Variants in HRH2 observed in about 807,000 individuals in gnomAD.
HRH2 encodes the protein histamine receptor H2, also known as histamine H2 receptor.
HRH2 carries 4 observed loss-of-function variants against 20.1 expected under a neutral mutation model. The ratio of observed to expected loss-of-function variants is 0.20; its 90% CI spans 0.10 to 0.45. HRH2 has a LOEUF of 0.45. HRH2 is among the 20% of genes least tolerant of loss of function. The pLI is 0.99. For missense variants in HRH2, 250 were observed against 461.6 expected (o/e 0.54, Z 4.20); for synonymous variants, 197 against 200.7 (o/e 0.98, Z 0.16).
At chr5:175,696,362 A>C (rs1050334996) in intron 2 of HRH2, among the ~76,000 whole-genome samples, 1 of 152,114 alleles carries the variant, frequency 6.6e-6, no homozygotes, top group Admixed American at 6.5e-5. Context: ...GCCCCCTCTG[A>C]GCTCCGCCTT....
rs369010860 is a variant in HRH2 at position 175,683,862 on chromosome 5, G to A, written c.629G>A (p.Arg210Gln). 5.6e-6 allele frequency: 9 copies of A among 1,614,120 alleles called. No homozygotes were observed. Among genetic ancestry groups the A allele is most frequent in the African/African-American group, 2.7e-5 (2 of 74,994 alleles). The change falls in exon 2 of 3, where the codon CGG (arginine) becomes CAG (glutamine). Residue 210 changes from arginine (R) to glutamine (Q), a missense_variant. This residue lies in a region of HRH2 where 58 missense variants were observed against 166.8 expected (regional missense o/e 0.35). Coordinates refer to ENST00000636584, the MANE Select transcript of HRH2 (RefSeq NM_001367711.1). ...TACTACCGCATCTTCAAGGTCGCCC[G>A]GGATCAGGCCAAGAGGATCAATCAC... ...ITYYRIFKVA[R>Q]DQAKRINHIS...
At chr5:175,676,372 A>C (rs544240827) in intron 1 of HRH2, among the ~76,000 whole-genome samples, 1 of 152,242 alleles carries the variant, frequency 6.6e-6, no homozygotes, top group Non-Finnish European at 1.5e-5. Context: ...CCTCAGAGCC[A>C]AAGCTCCAGT....
chr5:175,670,085 G>T (rs906037630), intron 1 of HRH2, among the ~76,000 whole-genome samples: 3 of 152,172 alleles, frequency 2.0e-5, no homozygotes, highest in African/African-American at 7.2e-5. Context: ...CCTGTGTCTG[G>T]TCAGGCTTCT....
chr5:175,692,545 G>A (rs1262829788), intron 2 of HRH2, among the ~76,000 whole-genome samples: 4 of 152,216 alleles, frequency 2.6e-5, no homozygotes, highest in Admixed American at 6.5e-5. Flanking sequence ...ATTTAGCACC[G>A]ATTTATGCAA....
At chr5:175,698,814 A>G (rs543206174) in intron 2 of HRH2, among the ~76,000 whole-genome samples, 44 of 152,350 alleles carry the variant, frequency 2.9e-4, no homozygotes, top group African/African-American at 1.0e-3. Context: ...GTTGATCTCA[A>G]GTAAGTCCCA....
chr5:175,670,569 A>T (rs923137593), intron 1 of HRH2, among the ~76,000 whole-genome samples: 3 of 152,218 alleles, frequency 2.0e-5, no homozygotes, highest in Non-Finnish European at 2.9e-5. Flanking sequence ...CACAGTGACC[A>T]CTAGGCTATT....
In HRH2 at chr5:175,681,738, G is replaced by A. The variant is rs940281286; in HGVS notation, c.-525-971G>A. 1.3e-5 allele frequency among the ~76,000 whole-genome samples: 2 copies of A among 152,192 alleles called. No individual in the cohort carries two copies. Among genetic ancestry groups the A allele is most frequent in the Non-Finnish European group, 2.9e-5 (2 of 68,012 alleles). Reference sequence around the variant, plus strand: ...CCTAATGCCCGTGAGAGGGTGATGTGGGGATGATAGGATAAACCTATTCAT... The same window carrying A: ...CCTAATGCCCGTGAGAGGGTGATGTAGGGATGATAGGATAAACCTATTCAT... On this transcript the variant is annotated intron_variant, in intron 1 of 2. Coordinates refer to ENST00000636584, the MANE Select transcript of HRH2 (RefSeq NM_001367711.1). The surrounding 1 kb of genome is among the most constrained non-coding windows in gnomAD (Gnocchi z 4.3).
chr5:175,671,635 G>T (rs1018089737), intron 1 of HRH2, among the ~76,000 whole-genome samples: 1 of 152,150 alleles, frequency 6.6e-6, no homozygotes, highest in Non-Finnish European at 1.5e-5. Flanking sequence ...TACATACAAA[G>T]TGCCAGGTAT....
chr5:175,710,154 C>G lies in HRH2; in HGVS notation c.*2183C>G, dbSNP rs889147004. ...ACTGGCATGGCTGTTTGCGTGATTC[C>G]TTGAACGTTGTCTGTCTCTCCTCCT... is the stretch of plus-strand genomic sequence containing the variant. On this transcript the variant is annotated 3_prime_UTR_variant, in exon 3 of 3. Coordinates refer to ENST00000636584, the MANE Select transcript of HRH2 (RefSeq NM_001367711.1). 2.0e-5 allele frequency: 3 copies of G among 152,532 alleles called. No individual in the cohort carries two copies. Among genetic ancestry groups the G allele is most frequent in the Non-Finnish European group, 2.9e-5 (2 of 68,324 alleles). 9.4% of individuals were successfully genotyped at this position (152,532 alleles called of 1,614,324 possible).
chr5:175,665,218 G>A (rs1018473508), intron 1 of HRH2, among the ~76,000 whole-genome samples: 2 of 152,180 alleles, frequency 1.3e-5, no homozygotes, highest in African/African-American at 4.8e-5. Context: ...AATGACACAG[G>A]AACAGCTGAT....
intron 1 of HRH2, among the ~76,000 whole-genome samples, chr5:175,662,577 T>C (rs761043531): frequency 1.3e-5 from 2 of 152,214 alleles, no homozygotes; most frequent in Admixed American, 1.3e-4. Flanking sequence ...GGTTGCTCTA[T>C]TGGCCACCTG....
At chr5:175,670,040 G>A (rs1991445) in intron 1 of HRH2, among the ~76,000 whole-genome samples, 5,637 of 152,258 alleles carry the variant, frequency 0.037, 362 homozygotes, top group African/African-American at 0.13. Flanking sequence ...AGGCCAGGCA[G>A]GGGGCATCAC....
rs562957707 is a variant in HRH2, at chr5:175,686,567, A to G, written c.1076+2258A>G. Among the ~76,000 whole-genome samples, 1 of 152,318 alleles carries G rather than the reference A, an allele frequency of 6.6e-6. No homozygotes were observed. Among genetic ancestry groups the G allele is most frequent in the Non-Finnish European group, 1.5e-5 (1 of 68,028 alleles). ...CCTGCAATTGCTCATGGTCTAGTTA[A>G]GAAGCTGACTGGTCAGATTCAGAGC... On this transcript the variant is annotated intron_variant, in intron 2 of 2. Coordinates refer to ENST00000636584, the MANE Select transcript of HRH2 (RefSeq NM_001367711.1). The surrounding 1 kb of genome is among the most constrained non-coding windows in gnomAD (Gnocchi z 4.7).
Sources: gnomAD v4.1 joint callset for allele counts (sites outside exome capture counted in the v4.1 genomes callset) on GRCh38, gnomAD v4.1.1 for gene constraint, gnomAD v4.1.1 regional missense constraint, Gnocchi (gnomAD v3.1) non-coding constraint, MANE v1.5 for transcripts, NCBI Gene and HGNC (gene_info 2026-07-23, HGNC 2026-07-21) for gene names.